Variants in TEX36 observed in about 807,000 individuals in gnomAD.
The protein encoded by TEX36 is testis-expressed protein 36.
TEX36 carries 12 observed loss-of-function variants against 13.6 expected under a neutral mutation model. The ratio of observed to expected loss-of-function variants is 0.88; its 90% CI spans 0.56 to 1.43. TEX36 has a LOEUF of 1.43. Among genes scored for constraint, TEX36 ranks in the 40% most tolerant of loss-of-function variants. The pLI, the probability that TEX36 is intolerant of heterozygous loss-of-function variation, is 0.00. For synonymous variants in TEX36, 93 were observed against 83.0 expected (o/e 1.12, Z -0.65); for missense variants, 224 against 228.3 (o/e 0.98, Z 0.12).
intron 3 of TEX36, among the ~76,000 whole-genome samples, chr10:125,594,990 T>C (rs950601216): frequency 1.3e-5 from 2 of 152,192 alleles, no homozygotes; most frequent in Non-Finnish European, 2.9e-5. Context: ...TAAAAACTAT[T>C]AAGCATATAA....
At position 125,683,113 on chromosome 10, in the gene TEX36, T is replaced by G; in HGVS notation, c.-124A>C. 1 of 1,095,758 alleles carries G rather than the reference T, an allele frequency of 9.1e-7. No homozygotes were observed. Among genetic ancestry groups the G allele is most frequent in the Non-Finnish European group, 1.4e-6 (1 of 734,994 alleles). The allele number at this position is 1,095,758 out of a possible 1,614,324, so 67.9% of individuals were successfully genotyped here. ...ACGTCTGGGAAGCTCCTCCTCCTCC[T>G]TGTTCCTGATCTTTACTTCTCAGCC... is the stretch of plus-strand genomic sequence containing the variant. On this transcript the variant is annotated 5_prime_UTR_variant, in exon 1 of 4. Transcript: ENST00000368821.
At chr10:125,665,962 T>C (rs1178697875) in intron 1 of TEX36, among the ~76,000 whole-genome samples, 8 of 152,212 alleles carry the variant, frequency 5.3e-5, no homozygotes, top group Non-Finnish European at 1.0e-4. Context: ...CTATTATAAA[T>C]GAAATTGCCT....
At chr10:125,577,516 CA>C (rs1186645096) in intron 3 of TEX36, among the ~76,000 whole-genome samples, 3 of 151,870 alleles carry the variant, frequency 2.0e-5, no homozygotes, top group African/African-American at 7.3e-5. Flanking sequence ...AGAACACACA[CA>C]AAAAAATTGA....
chr10:125,627,755 C>T (rs1338746400), intron 3 of TEX36, among the ~76,000 whole-genome samples: 2 of 152,176 alleles, frequency 1.3e-5, no homozygotes, highest in East Asian at 3.9e-4. Flanking sequence ...GAGAAACATC[C>T]AGGTCTGCGT....
At chr10:125,673,574 G>A (rs374689846) in intron 1 of TEX36, among the ~76,000 whole-genome samples, 14 of 152,046 alleles carry the variant, frequency 9.2e-5, no homozygotes, top group South Asian at 8.3e-4. Flanking sequence ...GCTGGGCATC[G>A]TGTCAGGTGC....
intron 3 of TEX36, among the ~76,000 whole-genome samples, chr10:125,586,637 A>AC (rs1565167226): frequency 2.6e-4 from 15 of 58,416 alleles, no homozygotes; most frequent in African/African-American, 5.0e-4. Context: ...TAAAAATCCA[A>AC]AAAAAAAAAA....
At chr10:125,638,200 C>T (rs1343197955) in intron 3 of TEX36, among the ~76,000 whole-genome samples, 1 of 151,828 alleles carries the variant, frequency 6.6e-6, no homozygotes, top group East Asian at 1.9e-4. Flanking sequence ...AGTGGGTCTC[C>T]CTTCCAGGTG....
rs188935726 is a variant in TEX36, at chr10:125,657,035, G to A, written c.265-839C>T. ...TCCTCATTCACTCTCAGCACCTTACGTGCGAACCTGATAATTACTGTGTAC... is the reference window on the plus strand; with the variant it reads ...TCCTCATTCACTCTCAGCACCTTACATGCGAACCTGATAATTACTGTGTAC... On this transcript the variant is annotated intron_variant, in intron 3 of 3. Transcript: ENST00000368821. 6.6e-4 allele frequency among the ~76,000 whole-genome samples: 101 copies of A among 152,238 alleles called. 1 individual carries two copies. The East Asian group carries it at 0.012, about 17-fold the overall frequency.
At chr10:125,614,173 G>C (rs890803049) in intron 3 of TEX36, among the ~76,000 whole-genome samples, 4 of 152,118 alleles carry the variant, frequency 2.6e-5, no homozygotes, top group Non-Finnish European at 5.9e-5. Context: ...TGCAGATTCT[G>C]GATATTAGCC....
chr10:125,621,748 G>A (rs1379488795), intron 3 of TEX36: 1 of 439,294 alleles, frequency 2.3e-6, no homozygotes, highest in Non-Finnish European at 4.5e-6. Flanking sequence ...AGGCCCAAGA[G>A]CCCCCCAGAA....
At chr10:125,608,936 A>G (rs1278935312) in intron 3 of TEX36, among the ~76,000 whole-genome samples, 2 of 148,520 alleles carry the variant, frequency 1.3e-5, no homozygotes, top group South Asian at 4.3e-4. Flanking sequence ...GGAGTTTGAG[A>G]CCAGCCTGGC....
At position 125,576,844 on chromosome 10, in the gene TEX36, C is replaced by G. The variant is rs1388668826; in HGVS notation, c.295G>C (p.Glu99Gln). The G allele has an allele frequency of 3.3e-6, 5 of 1,536,078 alleles. No homozygotes were observed. The Admixed American group carries it at 9.8e-5, about 30-fold the overall frequency. The change falls in exon 4 of 4, where the codon GAA (glutamate) becomes CAA (glutamine). Residue 99 changes from glutamate (E) to glutamine (Q), a missense_variant. Coordinates refer to the TEX36 transcript ENST00000532135. Reference sequence around the variant, plus strand: ...TAGAACTCTTGTCTCTTGTCTGGTTCTCCCTGTGGGTCCGTTGCTGTCATT... The same window carrying G: ...TAGAACTCTTGTCTCTTGTCTGGTTGTCCCTGTGGGTCCGTTGCTGTCATT...
At chr10:125,618,961 A>C (rs1203483115), downstream of TEX36, among the ~76,000 whole-genome samples, 1 of 141,098 alleles carries the variant, frequency 7.1e-6, no homozygotes, top group South Asian at 2.2e-4. Flanking sequence ...AAAAAAAAAA[A>C]AAAAAAAAAA....
intron 3 of TEX36, among the ~76,000 whole-genome samples, chr10:125,601,870 C>T (rs1329641672): frequency 6.6e-6 from 1 of 152,228 alleles, no homozygotes; most frequent in African/African-American, 2.4e-5. Flanking sequence ...CAAGCCTCCA[C>T]ACATTGTGCA....
intron 3 of TEX36, among the ~76,000 whole-genome samples, chr10:125,634,850 A>T (rs1242205128): frequency 6.6e-6 from 1 of 152,190 alleles, no homozygotes; most frequent in Non-Finnish European, 1.5e-5. Context: ...AGGTGAAACG[A>T]TGGATAGTGA....
intron 3 of TEX36, among the ~76,000 whole-genome samples, chr10:125,643,457 A>T (rs191841079): frequency 3.9e-4 from 60 of 152,182 alleles, no homozygotes; most frequent in African/African-American, 1.3e-3. Context: ...AAAATACAAA[A>T]ATTAGGCCGG....
At chr10:125,658,282 T>C (rs949523142) in intron 3 of TEX36, among the ~76,000 whole-genome samples, 6 of 152,032 alleles carry the variant, frequency 3.9e-5, no homozygotes, top group Admixed American at 1.3e-4. Context: ...AGTATCATAA[T>C]GTAGATAGAA....
chr10:125,607,710 T>C (rs1225914901), intron 3 of TEX36, among the ~76,000 whole-genome samples: 1 of 152,014 alleles, frequency 6.6e-6, no homozygotes, highest in Admixed American at 6.6e-5. Context: ...TATCTGCTCA[T>C]GTCCACCTTT....
intron 1 of TEX36, among the ~76,000 whole-genome samples, chr10:125,678,341 T>C (rs1847342292): frequency 6.6e-6 from 1 of 152,128 alleles, no homozygotes; most frequent in South Asian, 2.1e-4. Flanking sequence ...TGGTTAACAG[T>C]AGAGGCTGTG....
Sources: allele counts gnomAD v4.1 joint callset (sites outside exome capture counted in the v4.1 genomes callset), GRCh38; gene constraint gnomAD v4.1.1; transcripts MANE v1.5; gene names NCBI Gene and HGNC (gene_info 2026-07-23, HGNC 2026-07-21).